Variants in SIK3 observed in about 807,000 individuals in gnomAD.
The protein encoded by SIK3 is SIK family kinase 3.
In SIK3, 28 loss-of-function variants were observed where a neutral mutation model predicts 144.2. The ratio of observed to expected loss-of-function variants is 0.19; its 90% CI spans 0.14 to 0.27. SIK3 has a LOEUF of 0.27. Among genes scored for constraint, SIK3 ranks in the 10% least tolerant of loss-of-function variants. SIK3 has a pLI of 1.00. For synonymous variants in SIK3, 686 were observed against 676.3 expected (o/e 1.01, Z -0.22); for missense variants, 1,319 against 1,776.0 (o/e 0.74, Z 4.62).
At chr11:116,861,132 A>G (rs1943299227) in intron 19 of SIK3, 142 bp downstream of exon 19, 4 of 672,680 alleles carry the variant, frequency 5.9e-6, no homozygotes, top group Admixed American at 7.1e-5. Flanking sequence ...GATGCAAACC[A>G]AAGCAGCTTG....
intron 3 of SIK3, among the ~76,000 whole-genome samples, chr11:116,937,596 T>C (rs1299778524): frequency 2.0e-5 from 3 of 152,210 alleles, no homozygotes; most frequent in African/African-American, 7.2e-5. Flanking sequence ...TTATTTGTAA[T>C]ACTACTGGTA....
chr11:117,097,496 C>T (rs916693863), intron 1 of SIK3, among the ~76,000 whole-genome samples: 1 of 150,954 alleles, frequency 6.6e-6, no homozygotes, highest in South Asian at 2.1e-4. Context: ...AGCAATTTCC[C>T]CCTTATTTCC....
In SIK3 at chr11:116,874,032, C is replaced by T. The variant is rs748200993; in HGVS notation, c.1452G>A (p.Gln484=). 1.9e-6 allele frequency: 3 copies of T among 1,614,028 alleles called. No individual in the cohort carries two copies. Among genetic ancestry groups the T allele is most frequent in the Non-Finnish European group, 2.5e-6 (3 of 1,179,964 alleles). The part of the protein sequence containing the change: ...DPRTEVMEDL[Q]KLLPGFPGVN... ...CTCCAGGAAAGCCAGGTAGGAGCTT[C>T]TGCAGATCTTCCATAACTTCCGTGC... The change falls in exon 12 of 25, where the codon CAG becomes CAA. Residue 484 remains glutamine, a synonymous_variant. Transcript: ENST00000445177.
Position 116,858,050 on chromosome 11 carries a change from G to A in SIK3, c.3415C>T (p.His1139Tyr), listed in dbSNP as rs1225833525. ...CAGTCCTCCTCCATGCTCTCTGAAT[G>A]CATCAGTGCCGGCTGGTGAGCATAC... ...HGYAHQPALM[H>Y]SESMEEDCSC... is the part of the protein sequence containing the mutation. The change falls in exon 21 of 25, where the codon CAT (histidine) becomes TAT (tyrosine). Residue 1139 changes from histidine (H) to tyrosine (Y), a missense_variant. His to Tyr is a moderately conservative substitution (Grantham distance 83). Coordinates refer to ENST00000445177, the MANE Select transcript of SIK3 (RefSeq NM_001366686.3). This position sits in a 1 kb window ranked among gnomAD's most constrained non-coding sequence, Gnocchi z 5.4. The A allele has an allele frequency of 5.0e-6, 8 of 1,613,818 alleles. No individual in the cohort carries two copies. The highest frequency in any genetic ancestry group is 6.8e-6 in the Non-Finnish European group (8 of 1,179,796).
chr11:117,059,106 T>A (rs954940261), intron 1 of SIK3, among the ~76,000 whole-genome samples: 2 of 152,162 alleles, frequency 1.3e-5, no homozygotes, highest in African/African-American at 2.4e-5. Flanking sequence ...GGAAATTGTG[T>A]TCAAAGAGAA....
Position 116,858,443 on chromosome 11 carries a change from T to C in SIK3, c.3022A>G (p.Thr1008Ala), listed in dbSNP as rs763727089. 4.4e-6 allele frequency: 7 copies of C among 1,607,594 alleles called. No individual in the cohort carries two copies. Among genetic ancestry groups the C allele is most frequent in the Non-Finnish European group, 6.0e-6 (7 of 1,176,036 alleles). ...ALLSPTPPDY[T>A]RHQQVPHILQ... ...ATGTGGGGTACCTGCTGGTGTCTTGTATAGTCTGGCGGCGTGGGAGACAGC... is the reference window on the plus strand; with the variant it reads ...ATGTGGGGTACCTGCTGGTGTCTTGCATAGTCTGGCGGCGTGGGAGACAGC... The change falls in exon 21 of 25, where the codon ACA becomes GCA. Residue 1008 changes from threonine (T) to alanine (A), a missense_variant. This residue lies in a region of SIK3 where 646 missense variants were observed against 763.7 expected (regional missense o/e 0.85). Transcript: ENST00000445177. This position sits in a 1 kb window ranked among gnomAD's most constrained non-coding sequence, Gnocchi z 5.4.
chr11:116,993,209 TAA>T lies in SIK3; in HGVS notation c.274-36147_274-36146del, dbSNP rs796773358. Among the ~76,000 whole-genome samples the T allele has an allele frequency of 9.2e-5, 14 of 152,256 alleles. 1 individual carries two copies. Among genetic ancestry groups the T allele is most frequent in the African/African-American group, 3.4e-4 (14 of 41,558 alleles). ...CCCAAAAGCTAGATTTTTAAAACTTTAAAAACCCCTCCCCACAGTAACAGAAA... is the reference window on the plus strand; with the variant it reads ...CCCAAAAGCTAGATTTTTAAAACTTTAAACCCCTCCCCACAGTAACAGAAA... On this transcript the variant is annotated intron_variant, in intron 1 of 24. Transcript: ENST00000445177.
rs1347081073 is a variant in SIK3 at position 116,867,319 on chromosome 11, A to G, written c.1952+627T>C. 1.3e-5 allele frequency among the ~76,000 whole-genome samples: 2 copies of G among 152,212 alleles called. No individual in the cohort carries two copies. Among genetic ancestry groups the G allele is most frequent in the African/African-American group, 2.4e-5 (1 of 41,454 alleles). On this transcript the variant is annotated intron_variant, in intron 15 of 24. Coordinates refer to ENST00000445177, the MANE Select transcript of SIK3 (RefSeq NM_001366686.3). The surrounding 1 kb of genome is among the most constrained non-coding windows in gnomAD (Gnocchi z 4.1). ...TCATTCCGCAGCTGCTTCCAGGCTT[A>G]CTTGGAGTCAATGAAGTTTTCTTGG...
At chr11:116,991,211 GCCAAGGTGGGCGGAT>G (rs1181234314) in intron 1 of SIK3, among the ~76,000 whole-genome samples, 1 of 152,186 alleles carries the variant, frequency 6.6e-6, no homozygotes, top group Non-Finnish European at 1.5e-5. Flanking sequence ...ACTTTGGGAG[GCCAAGGTGGGCGGAT>G]CCAAGGTGGC....
At position 116,858,693 on chromosome 11, in the gene SIK3, G is replaced by A. The variant is rs763707251; in HGVS notation, c.2772C>T (p.Asn924=). The A allele has an allele frequency of 4.6e-6, 7 of 1,531,828 alleles. No homozygotes were observed. Among genetic ancestry groups the A allele is most frequent in the Non-Finnish European group, 6.1e-6 (7 of 1,138,936 alleles). The allele number at this position is 1,531,828 out of a possible 1,614,324, so 94.9% of individuals were successfully genotyped here. The part of the protein sequence containing the change: ...SADSAEAHSL[N]VNRFSPANYD... ...AGTTAGCAGGGGAGAACCGATTCAC[G>A]TTCAAGCTGCAGACACAAAAGGGAG... Residue 924 remains asparagine, a synonymous_variant, in exon 21 of 25, where the codon AAC becomes AAT. Transcript: ENST00000445177. The surrounding 1 kb of genome is among the most constrained non-coding windows in gnomAD (Gnocchi z 5.4).
chr11:117,079,715 G>C (rs1490844532), intron 1 of SIK3, among the ~76,000 whole-genome samples: 2 of 150,142 alleles, frequency 1.3e-5, no homozygotes, highest in African/African-American at 4.9e-5. Context: ...TATATAATTA[G>C]AATTTTAAAA....
At chr11:117,069,490 T>G (rs1471612349) in intron 1 of SIK3, among the ~76,000 whole-genome samples, 1 of 152,182 alleles carries the variant, frequency 6.6e-6, no homozygotes, top group Non-Finnish European at 1.5e-5. Flanking sequence ...AGATACCCAG[T>G]CAATGTTCAA....
At chr11:117,013,189 T>A (rs1054452064) in intron 1 of SIK3, among the ~76,000 whole-genome samples, 1 of 152,168 alleles carries the variant, frequency 6.6e-6, no homozygotes, top group African/African-American at 2.4e-5. Context: ...GAAGGCCATG[T>A]TATTTAAAAC....
At chr11:117,000,074 T>C (rs1950798512) in intron 1 of SIK3, among the ~76,000 whole-genome samples, 2 of 152,228 alleles carry the variant, frequency 1.3e-5, no homozygotes, top group African/African-American at 4.8e-5. Context: ...TAATATTAGA[T>C]ATGTATATTA....
At chr11:116,882,198 C>T (rs180699521) in intron 6 of SIK3, among the ~76,000 whole-genome samples, 5 of 152,242 alleles carry the variant, frequency 3.3e-5, no homozygotes, top group African/African-American at 7.2e-5. Context: ...TAAGGGGAGA[C>T]GGCAAGTTGG....
rs1184392533 is a variant in SIK3, at chr11:116,873,584, G to C, written c.1634C>G (p.Pro545Arg). 1 of 1,603,828 alleles carries C rather than the reference G, an allele frequency of 6.2e-7. No homozygotes were observed. Among genetic ancestry groups the C allele is most frequent in the South Asian group, 1.1e-5 (1 of 89,662 alleles). Residue 545 changes from proline (P) to arginine (R), a missense_variant, in exon 13 of 25, where the codon CCC becomes CGC. Pro to Arg is a moderately radical substitution (Grantham distance 103). Around this residue, in one of 8 missense-constraint regions of SIK3, gnomAD observed 167 missense variants for 263.3 expected, o/e 0.63. Transcript: ENST00000445177. ...PTLQLLNGMG[P>R]LGRRASDGGA... ...TCCATCTGATGCCCTCCGGCCAAGGGGGCCCATTCCATTCAACAGCTGTAG... is the reference window on the plus strand; with the variant it reads ...TCCATCTGATGCCCTCCGGCCAAGGCGGCCCATTCCATTCAACAGCTGTAG...
chr11:116,896,738 C>T (rs189745630), intron 5 of SIK3, among the ~76,000 whole-genome samples: 15 of 152,262 alleles, frequency 9.9e-5, no homozygotes, highest in Admixed American at 3.3e-4. Flanking sequence ...AGATTTTGCA[C>T]GAGTAGGCCG....
intron 1 of SIK3, among the ~76,000 whole-genome samples, chr11:116,993,264 T>TA (rs1006915077): frequency 2.6e-5 from 4 of 152,136 alleles, no homozygotes; most frequent in African/African-American, 9.7e-5. Flanking sequence ...ACTGATTTTT[T>TA]AAAAAAATAA....
intron 1 of SIK3, among the ~76,000 whole-genome samples, chr11:117,040,261 C>A (rs1023054182): frequency 2.0e-5 from 3 of 152,214 alleles, no homozygotes; most frequent in Non-Finnish European, 4.4e-5. Flanking sequence ...CTGGCGCCAT[C>A]ACTAACTGAG....
Sources: gnomAD v4.1 joint callset for allele counts (sites outside exome capture counted in the v4.1 genomes callset) on GRCh38, gnomAD v4.1.1 for gene constraint, gnomAD v4.1.1 regional missense constraint, Gnocchi (gnomAD v3.1) non-coding constraint, MANE v1.5 for transcripts, NCBI Gene and HGNC (gene_info 2026-07-23, HGNC 2026-07-21) for gene names.